Variants in CAST observed in about 807,000 individuals in gnomAD.
CAST encodes MIR583 host.
In CAST, 76 loss-of-function variants were observed where a neutral mutation model predicts 119.6. The ratio of observed to expected loss-of-function variants is 0.64; its 90% CI spans 0.53 to 0.77. CAST has a LOEUF of 0.77. CAST is among the 30% of genes least tolerant of loss of function. CAST has a pLI of 0.00. For synonymous variants in CAST, 319 were observed against 331.6 expected, an observed-to-expected ratio of 0.96 and a Z score of 0.41; for missense variants, 953 against 946.5, an observed-to-expected ratio of 1.01 and a Z score of -0.09.
the CAST span, among the ~76,000 whole-genome samples, chr5:96,413,963 CAAAA>C: frequency 3.5e-3 from 78 of 22,424 alleles, 2 homozygotes; most frequent in African/African-American, 7.0e-3. Context: ...ACTAAAAATA[CAAAA>C]AAAAAAAAAA....
At chr5:96,507,926 C>A in the CAST span, among the ~76,000 whole-genome samples, 3 of 151,938 alleles carry the variant, frequency 2.0e-5, no homozygotes, top group Non-Finnish European at 4.4e-5. Flanking sequence ...ATTCTCAAAA[C>A]TTTGTTTCTA....
chr5:95,996,555 A>G, the CAST span, among the ~76,000 whole-genome samples: 1 of 152,184 alleles, frequency 6.6e-6, no homozygotes, highest in African/African-American at 2.4e-5. Flanking sequence ...CTGGCACATA[A>G]TTACCACGGA....
chr5:96,743,640 T>C (rs1400573923), intron 16 of CAST: 2 of 1,613,124 alleles, frequency 1.2e-6, no homozygotes, highest in Non-Finnish European at 1.7e-6. Context: ...GGCCAGTTTC[T>C]ATCTTCGACT....
At chr5:96,510,924 G>T in the CAST span, among the ~76,000 whole-genome samples, 3 of 152,188 alleles carry the variant, frequency 2.0e-5, no homozygotes, top group Admixed American at 6.5e-5. Context: ...TTTAATTTAT[G>T]TGTATCTTTG....
chr5:96,482,864 A>T, the CAST span, among the ~76,000 whole-genome samples: 1 of 152,148 alleles, frequency 6.6e-6, no homozygotes, highest in African/African-American at 2.4e-5. Flanking sequence ...ATCCTGTTAA[A>T]CATTCACTAG....
the CAST span, among the ~76,000 whole-genome samples, chr5:96,332,905 TTCCATCTGTACCTTTGAC>T: frequency 1.0e-3 from 153 of 152,270 alleles, no homozygotes; most frequent in Middle Eastern, 3.4e-3. Flanking sequence ...CTGGCTTGGG[TTCCATCTGTACCTTTGAC>T]TCCAGCCAGG....
chr5:96,421,340 G>A, the CAST span, among the ~76,000 whole-genome samples: 1 of 152,186 alleles, frequency 6.6e-6, no homozygotes, highest in Non-Finnish European at 1.5e-5. Flanking sequence ...GGAGACTTCC[G>A]GCTGGCTCAA....
At chr5:96,431,289 T>G in the CAST span, among the ~76,000 whole-genome samples, 1 of 152,216 alleles carries the variant, frequency 6.6e-6, no homozygotes, top group Non-Finnish European at 1.5e-5. Context: ...ATGCCTAGAC[T>G]GTCTTCTCCG....
the CAST span, among the ~76,000 whole-genome samples, chr5:96,316,642 G>T: frequency 6.6e-6 from 1 of 152,138 alleles, no homozygotes; most frequent in Non-Finnish European, 1.5e-5. Context: ...AAGGTAGAGG[G>T]GAACCGTGAG....
chr5:96,201,885 A>G, the CAST span, among the ~76,000 whole-genome samples: 2 of 152,210 alleles, frequency 1.3e-5, no homozygotes, highest in African/African-American at 4.8e-5. Flanking sequence ...TATTGATTAG[A>G]CAAATCCAAC....
At chr5:96,073,516 C>A in the CAST span, among the ~76,000 whole-genome samples, 15 of 152,186 alleles carry the variant, frequency 9.9e-5, no homozygotes, top group African/African-American at 2.2e-4. Flanking sequence ...AGTCCCCCAC[C>A]TTTTTGGCAC....
At chr5:96,118,817 CTT>C in the CAST span, among the ~76,000 whole-genome samples, 1 of 144,578 alleles carries the variant, frequency 6.9e-6, no homozygotes. Context: ...TTTCAGCATA[CTT>C]TTTTTTTTTT....
At chr5:96,048,702 A>G in the CAST span, among the ~76,000 whole-genome samples, 1 of 151,912 alleles carries the variant, frequency 6.6e-6, no homozygotes, top group African/African-American at 2.4e-5. Flanking sequence ...TGTCCCAAAT[A>G]TGTCAGAACT....
At chr5:96,008,334 A>G in the CAST span, among the ~76,000 whole-genome samples, 1 of 152,232 alleles carries the variant, frequency 6.6e-6, no homozygotes, top group Non-Finnish European at 1.5e-5. Context: ...TCTAAAACCA[A>G]ATCCAAAAAT....
intron 1 of CAST, among the ~76,000 whole-genome samples, chr5:96,603,679 T>C (rs1259341434): frequency 2.0e-5 from 3 of 151,806 alleles, no homozygotes; most frequent in African/African-American, 7.3e-5. Context: ...CAATTAAAAG[T>C]ATAATATAGC....
At chr5:96,497,684 C>A in the CAST span, among the ~76,000 whole-genome samples, 2 of 152,140 alleles carry the variant, frequency 1.3e-5, no homozygotes, top group Non-Finnish European at 2.9e-5. Flanking sequence ...TGTTCATATC[C>A]TTTGCCCACT....
the CAST span, chr5:96,318,345 C>A: frequency 2.0e-5 from 3 of 152,200 alleles, no homozygotes; most frequent in African/African-American, 4.8e-5. Flanking sequence ...ACTCAAAGAA[C>A]CTTCTATGGG....
chr5:96,351,629 G>C, the CAST span, among the ~76,000 whole-genome samples: 1 of 152,052 alleles, frequency 6.6e-6, no homozygotes, highest in Non-Finnish European at 1.5e-5. Flanking sequence ...CTGCACACCT[G>C]TATTACGTAT....
the CAST span, among the ~76,000 whole-genome samples, chr5:96,443,809 T>G: frequency 6.6e-6 from 1 of 152,212 alleles, no homozygotes; most frequent in African/African-American, 2.4e-5. Context: ...GGACAGAGAT[T>G]AACCCTAGAA....
Sources: allele counts gnomAD v4.1 joint callset (sites outside exome capture counted in the v4.1 genomes callset), GRCh38; gene constraint gnomAD v4.1.1; transcripts MANE v1.5; gene names NCBI Gene and HGNC (gene_info 2026-07-23, HGNC 2026-07-21).